DIP2A: variants seen among roughly 807,000 people sequenced by gnomAD.
The protein encoded by DIP2A is DIP2 acetate--CoA ligase A, also known as disco-interacting protein 2 homolog A.
DIP2A carries 85 observed loss-of-function variants against 177.4 expected under a neutral mutation model. That is an observed-to-expected ratio of 0.48 (90% confidence interval 0.40 to 0.57). The LOEUF is 0.57. Ranked by LOEUF, DIP2A falls within the 20% of genes least tolerant of loss-of-function variation. The pLI, the probability that DIP2A is intolerant of heterozygous loss-of-function variation, is 0.00. For missense variants in DIP2A, 1,791 were observed against 2,100.2 expected, an observed-to-expected ratio of 0.85 and a Z score of 2.88; for synonymous variants, 886 against 881.8, an observed-to-expected ratio of 1.00 and a Z score of -0.08.
chr21:46,495,244 T>TTCTCTTCTCTTCTTTC (rs2057275285), intron 3 of DIP2A, among the ~76,000 whole-genome samples: 67 of 38,158 alleles, frequency 1.8e-3, no homozygotes, highest in Admixed American at 2.7e-3. Context: ...CTTCTCTTCT[T>TTCTCTTCTCTTCTTTC]TCTCTCTCTC....
chr21:46,509,484 C>T, intron 7 of DIP2A, 108 bp downstream of exon 7: 2 of 1,331,760 alleles, frequency 1.5e-6, no homozygotes, highest in African/African-American at 2.9e-5. Flanking sequence ...TATATATATT[C>T]TGTTTCCAGA....
intron 35 of DIP2A, among the ~76,000 whole-genome samples, chr21:46,565,036 C>T (rs1032275986): frequency 1.7e-4 from 26 of 152,204 alleles, no homozygotes; most frequent in South Asian, 4.1e-4. Context: ...CATGCAGGGG[C>T]GTCTTAGAGC....
chr21:46,546,422 CTGGCATCTAG>C, intron 20 of DIP2A: 1 of 586,340 alleles, frequency 1.7e-6, no homozygotes, highest in Non-Finnish European at 2.2e-6. Flanking sequence ...GGGAGTGCTC[CTGGCATCTAG>C]TGAGTACCTA....
At chr21:46,466,519 T>C (rs2054846958) in intron 1 of DIP2A, among the ~76,000 whole-genome samples, 1 of 151,982 alleles carries the variant, frequency 6.6e-6, no homozygotes, top group Admixed American at 6.6e-5. Flanking sequence ...TGGCTAATTT[T>C]TGTATTTTTA....
rs201175279 is a variant in DIP2A, at chr21:46,511,533, C to T, written c.1021C>T (p.Arg341Cys). The change falls in exon 8 of 38, where the codon CGC becomes TGC. Residue 341 changes from arginine to cysteine, a missense_variant. Coordinates refer to ENST00000417564, the MANE Select transcript of DIP2A (RefSeq NM_015151.4). ...RPPSLLATLQRWGTTQPKSPC... is the reference protein window; with the variant it reads ...RPPSLLATLQCWGTTQPKSPC... ...GCCGTCGCTGTTGGCCACCTTGCAG[C>T]GCTGGGGCACAACACAGCCCAAATC... The T allele has an allele frequency of 2.4e-4, 383 of 1,610,736 alleles. 3 individuals carry two copies. The highest frequency in any genetic ancestry group is 6.7e-5 in the Admixed American group (4 of 59,334).
At chr21:46,562,761 C>G (rs1479321869) in intron 34 of DIP2A, among the ~76,000 whole-genome samples, 3 of 152,190 alleles carry the variant, frequency 2.0e-5, no homozygotes, top group Non-Finnish European at 4.4e-5. Context: ...ACAGTCACTT[C>G]AGGCGGTAGA....
At chr21:46,491,687 T>C (rs776556490) in intron 3 of DIP2A, among the ~76,000 whole-genome samples, 5 of 152,212 alleles carry the variant, frequency 3.3e-5, no homozygotes, top group Non-Finnish European at 7.3e-5. Context: ...TGGATGCAGA[T>C]GCACGCACAC....
intron 37 of DIP2A, among the ~76,000 whole-genome samples, chr21:46,567,017 C>T (rs2060857327): frequency 6.6e-6 from 1 of 152,202 alleles, no homozygotes; most frequent in Non-Finnish European, 1.5e-5. Flanking sequence ...AGATTGTCCC[C>T]AAATGCACAG....
intron 8 of DIP2A, among the ~76,000 whole-genome samples, chr21:46,522,883 G>A (rs1044105960): frequency 1.4e-4 from 21 of 152,090 alleles, no homozygotes; most frequent in Admixed American, 7.9e-4. Flanking sequence ...TGCTTTTAAG[G>A]TGACTTTTAA....
At chr21:46,535,163 A>G (rs2839309) in intron 13 of DIP2A, among the ~76,000 whole-genome samples, 45,240 of 152,146 alleles carry the variant, frequency 0.3, 7,082 homozygotes, top group Middle Eastern at 0.39. Context: ...ATATAAATAT[A>G]TAAGTAGAAT....
Position 46,534,060 on chromosome 21 carries a change from A to G in DIP2A, c.1486A>G (p.Lys496Glu), listed in dbSNP as rs767347824. The change falls in exon 12 of 38, where the codon AAG (lysine) becomes GAG (glutamate). Residue 496 changes from lysine to glutamate, a missense_variant. By Grantham distance (56) the Lys-to-Glu change is moderately conservative. Transcript: ENST00000417564. ...IDGKHLAKPP[K>E]DWHPLAQDTG... ...TGGGAAGCATCTAGCCAAGCCCCCA[A>G]AGGACTGGCACCCTCTGGCCCAGGA... 9.3e-6 allele frequency: 15 copies of G among 1,613,794 alleles called. No homozygotes were observed. Among genetic ancestry groups the G allele is most frequent in the East Asian group, 2.2e-5 (1 of 44,856 alleles).
intron 9 of DIP2A, among the ~76,000 whole-genome samples, chr21:46,529,621 C>A (rs955839776): frequency 8.7e-5 from 13 of 149,928 alleles, no homozygotes; most frequent in Non-Finnish European, 1.6e-4. Context: ...AAAAAAAAAG[C>A]AGTGAAAAAT....
At position 46,538,641 on chromosome 21, in the gene DIP2A, TG is replaced by T; in HGVS notation, c.1921+40del. ...TGTGCCCGGCGCATACCCCACACAG[TG>T]TCCCCTCCTGCAAACCAAAGTAGAA... On this transcript the variant is annotated intron_variant, in intron 16 of 37. Transcript: ENST00000417564. 3 of 1,539,624 alleles carry T rather than the reference TG, an allele frequency of 1.9e-6. No homozygotes were observed. The East Asian group carries it at 7.4e-5, about 38-fold the overall frequency.
rs73907511 is a variant in DIP2A at position 46,526,774 on chromosome 21, T to G, written c.1103-2318T>G. Among the ~76,000 whole-genome samples the G allele has an allele frequency of 2.5e-3, 383 of 152,328 alleles. 2 individuals are homozygous for G. Among genetic ancestry groups the G allele is most frequent in the African/African-American group, 8.9e-3 (371 of 41,574 alleles). On this transcript the variant is annotated intron_variant, in intron 8 of 37. Coordinates refer to ENST00000417564, the MANE Select transcript of DIP2A (RefSeq NM_015151.4). ...TATTTAGCAGCCTTGCTAAATTCAGTTACAAAAGATTCATAAGCTACACCA... is the reference window on the plus strand; with the variant it reads ...TATTTAGCAGCCTTGCTAAATTCAGGTACAAAAGATTCATAAGCTACACCA...
At chr21:46,545,770 C>T in intron 19 of DIP2A, 111 bp from the exon 20 acceptor site, 1 of 1,289,180 alleles carries the variant, frequency 7.8e-7, no homozygotes, top group Non-Finnish European at 1.1e-6. Flanking sequence ...CCTTTTTCCC[C>T]CTGGCCAGCA....
rs113169103 is a variant in DIP2A, at chr21:46,567,347, C to A, written c.4464-23C>A. On this transcript the variant is annotated intron_variant, in intron 37 of 37. Transcript: ENST00000417564. Reference sequence around the variant, plus strand: ...GTGACCTGTGCCTGTATCCATGTGACCCAGTCTGTCTTCTCTCTGCAGTGC... The same window carrying A: ...GTGACCTGTGCCTGTATCCATGTGAACCAGTCTGTCTTCTCTCTGCAGTGC... 3.6e-5 allele frequency: 57 copies of A among 1,602,484 alleles called. No homozygotes were observed. The African/African-American group carries it at 4.4e-4, about 12-fold the overall frequency.
chr21:46,476,603 A>G (rs1224565273), intron 1 of DIP2A, among the ~76,000 whole-genome samples: 3 of 151,996 alleles, frequency 2.0e-5, no homozygotes, highest in Non-Finnish European at 4.4e-5. Flanking sequence ...TAGGGTGTTC[A>G]AGGCAGATTT....
rs1193160079 is a variant in DIP2A, at chr21:46,537,928, C to G, written c.1801+389C>G. Among the ~76,000 whole-genome samples the G allele has an allele frequency of 1.3e-5, 2 of 152,210 alleles. No homozygotes were observed. The highest frequency in any genetic ancestry group is 4.8e-5 in the African/African-American group (2 of 41,446). On this transcript the variant is annotated intron_variant, in intron 15 of 37. Transcript: ENST00000417564. This position sits in a 1 kb window ranked among gnomAD's most constrained non-coding sequence, Gnocchi z 4.1. ...CACTGAGGCACTGGATCACCTGGGT[C>G]ACCCATGTTGCCTTGTTCTACCTAC...
chr21:46,458,918 CGCGCGGGGCAGCGGCGGCGCG>C lies in DIP2A; in HGVS notation c.-210_-190del, dbSNP rs1246051385. 3.7e-6 allele frequency: 1 copy of C among 267,862 alleles called. No individual in the cohort carries two copies. Among genetic ancestry groups the C allele is most frequent in the Non-Finnish European group, 6.9e-6 (1 of 145,632 alleles). The allele number at this position is 267,862 out of a possible 1,614,324, so 16.6% of individuals were successfully genotyped here. ...GTAGGGCCGGCCGGGCGCTCAGGAG[CGCGCGGGGCAGCGGCGGCGCG>C]GCGGAGCCATCCGCGCTCGTGCCCG... On this transcript the variant is annotated 5_prime_UTR_variant, in exon 1 of 38. Transcript: ENST00000417564.
Sources: allele counts gnomAD v4.1 joint callset (sites outside exome capture counted in the v4.1 genomes callset), GRCh38; gene constraint gnomAD v4.1.1; non-coding constraint Gnocchi (gnomAD v3.1); transcripts MANE v1.5; gene names NCBI Gene and HGNC (gene_info 2026-07-23, HGNC 2026-07-21).